The following PLCB1 variants were observed in gnomAD, a reference collection of about 807,000 sequenced individuals.
PLCB1 encodes phospholipase C beta 1.
PLCB1 carries 46 observed loss-of-function variants against 161.8 expected under a neutral mutation model. The observed-to-expected ratio is 0.28, with a 90% CI of 0.22 to 0.36. The LOEUF is 0.36. PLCB1 is among the 10% of genes least tolerant of loss of function. The probability of loss-of-function intolerance (pLI) is 1.00; values close to 1 mark genes in which losing one functional copy is unlikely to be tolerated. For synonymous variants in PLCB1, 517 were observed against 503.7 expected (o/e 1.03, Z -0.35); for missense variants, 1,016 against 1,472.5 (o/e 0.69, Z 5.07).
chr20:8,762,984 G>T (rs923056961), intron 25 of PLCB1, among the ~76,000 whole-genome samples: 2 of 152,076 alleles, frequency 1.3e-5, no homozygotes, highest in African/African-American at 2.4e-5. Flanking sequence ...GGAAACATGT[G>T]AACTATGACT....
intron 4 of PLCB1, among the ~76,000 whole-genome samples, chr20:8,628,874 C>T (rs1419698065): frequency 6.6e-6 from 1 of 151,600 alleles, no homozygotes; most frequent in African/African-American, 2.4e-5. Flanking sequence ...GTGGAGGTTG[C>T]AGTGAGCCAA....
At chr20:8,549,264 T>C (rs1222828286) in intron 3 of PLCB1, among the ~76,000 whole-genome samples, 2 of 152,228 alleles carry the variant, frequency 1.3e-5, no homozygotes, top group Non-Finnish European at 2.9e-5. Context: ...AAGTGAAATC[T>C]AAGAAGAATG....
intron 3 of PLCB1, among the ~76,000 whole-genome samples, chr20:8,414,613 T>C (rs924213352): frequency 1.3e-5 from 2 of 152,156 alleles, no homozygotes; most frequent in Admixed American, 1.3e-4. Flanking sequence ...ATGTAAAGTA[T>C]TACTTGAGAA....
intron 3 of PLCB1, among the ~76,000 whole-genome samples, chr20:8,450,208 G>A (rs1981009838): frequency 6.6e-6 from 1 of 152,092 alleles, no homozygotes. Context: ...TCTTAGATAA[G>A]TCTCAGACTG....
At chr20:8,815,794 TTTAG>T (rs1485005192) in intron 31 of PLCB1, among the ~76,000 whole-genome samples, 1 of 152,146 alleles carries the variant, frequency 6.6e-6, no homozygotes, top group Non-Finnish European at 1.5e-5. Context: ...TAGAGAAGAA[TTTAG>T]TTAGGGGCTA....
chr20:8,672,605 G>C (rs779679647), intron 9 of PLCB1, among the ~76,000 whole-genome samples: 21 of 152,116 alleles, frequency 1.4e-4, no homozygotes, highest in Non-Finnish European at 2.1e-4. Context: ...GCAGGGAAGA[G>C]CCTCAGTGGG....
At position 8,788,408 on chromosome 20, in the gene PLCB1, G is replaced by T. The variant is rs1184616717; in HGVS notation, c.3112-41G>T. 5.7e-6 allele frequency: 9 copies of T among 1,581,648 alleles called. No homozygotes were observed. The Admixed American group carries it at 1.2e-4, about 21-fold the overall frequency. ...GGGAGGTGGGAAGGAAGCTCTGTTT[G>T]CAATCATTTGAAATAGCAAACTGAC... is the stretch of plus-strand genomic sequence containing the variant. On this transcript the variant is annotated intron_variant, in intron 27 of 31. Transcript: ENST00000338037.
At chr20:8,675,023 A>G (rs1990041310) in intron 9 of PLCB1, among the ~76,000 whole-genome samples, 1 of 152,112 alleles carries the variant, frequency 6.6e-6, no homozygotes, top group Non-Finnish European at 1.5e-5. Flanking sequence ...CAGTGTTTTG[A>G]ATTCAAATTG....
chr20:8,776,874 G>A (rs1321801754), intron 27 of PLCB1, among the ~76,000 whole-genome samples: 1 of 152,100 alleles, frequency 6.6e-6, no homozygotes, highest in Non-Finnish European at 1.5e-5. Flanking sequence ...TAACAGAAAT[G>A]GGAGAATAAG....
At chr20:8,197,816 C>A (rs987174059) in intron 2 of PLCB1, among the ~76,000 whole-genome samples, 12 of 152,036 alleles carry the variant, frequency 7.9e-5, no homozygotes, top group Non-Finnish European at 1.8e-4. Flanking sequence ...ATCTTTAATC[C>A]ATCTTGAATT....
At chr20:8,290,985 A>C (rs1983356423) in intron 2 of PLCB1, among the ~76,000 whole-genome samples, 1 of 151,950 alleles carries the variant, frequency 6.6e-6, no homozygotes, top group Non-Finnish European at 1.5e-5. Context: ...CAGTGCTCAG[A>C]ATAGACCTCA....
intron 31 of PLCB1, among the ~76,000 whole-genome samples, chr20:8,812,013 G>C (rs1272054285): frequency 2.0e-5 from 3 of 152,200 alleles, no homozygotes; most frequent in Non-Finnish European, 4.4e-5. Context: ...TCATTAGCAA[G>C]TGAAAAATTT....
At chr20:8,843,019 A>G (rs1288599349) in intron 31 of PLCB1, among the ~76,000 whole-genome samples, 1 of 152,238 alleles carries the variant, frequency 6.6e-6, no homozygotes, top group African/African-American at 2.4e-5. Context: ...GAAATATAAA[A>G]GAGAAAAATT....
At chr20:8,376,169 A>G (rs1987072823) in intron 3 of PLCB1, among the ~76,000 whole-genome samples, 1 of 152,222 alleles carries the variant, frequency 6.6e-6, no homozygotes, top group South Asian at 2.1e-4. Flanking sequence ...GAATGCACGC[A>G]GCAATGTCAT....
intron 2 of PLCB1, among the ~76,000 whole-genome samples, chr20:8,321,482 C>T (rs1461962983): frequency 6.6e-6 from 1 of 151,930 alleles, no homozygotes; most frequent in African/African-American, 2.4e-5. Context: ...AAGCATTCTT[C>T]CTGCCCTGGC....
In PLCB1 at chr20:8,430,707, C is replaced by T. The variant is rs140541135; in HGVS notation, c.246+59257C>T. Among the ~76,000 whole-genome samples, 1,362 of 152,256 alleles carry T rather than the reference C, an allele frequency of 8.9e-3. 17 individuals are homozygous for T. The highest frequency in any genetic ancestry group is 0.031 in the African/African-American group (1,270 of 41,554). On this transcript the variant is annotated intron_variant, in intron 3 of 31. Transcript: ENST00000338037. ...ATGGTTCTTGCCTGTAATCCCAGCA[C>T]TTTGGGAGGCCAAGGTGGGAGGATC...
chr20:8,484,366 T>TTC (rs202182310), intron 3 of PLCB1, among the ~76,000 whole-genome samples: 1,541 of 125,306 alleles, frequency 0.012, 23 homozygotes, highest in African/African-American at 0.049. Context: ...CTTCTTCTTC[T>TTC]TTTTTTTTTT....
At chr20:8,573,088 T>C (rs1281142607) in intron 3 of PLCB1, among the ~76,000 whole-genome samples, 1 of 151,844 alleles carries the variant, frequency 6.6e-6, no homozygotes, top group Admixed American at 6.6e-5. Context: ...GCCAGAAAAG[T>C]AGGAGGATAG....
At position 8,683,965 on chromosome 20, in the gene PLCB1, A is replaced by G. The variant is rs891697943; in HGVS notation, c.863-967A>G. Reference sequence around the variant, plus strand: ...GTGGTGCGATCTCAGCTCACTGCAAACTCCACCTCCTGGGTTCAAACAATT... The same window carrying G: ...GTGGTGCGATCTCAGCTCACTGCAAGCTCCACCTCCTGGGTTCAAACAATT... On this transcript the variant is annotated intron_variant, in intron 9 of 31. Coordinates refer to ENST00000338037, the MANE Select transcript of PLCB1 (RefSeq NM_015192.4). Among the ~76,000 whole-genome samples the G allele has an allele frequency of 1.3e-4, 19 of 148,500 alleles. No homozygotes were observed. In the East Asian group the frequency reaches 2.2e-3, roughly 18 times the overall value.
Sources: allele counts gnomAD v4.1 joint callset (sites outside exome capture counted in the v4.1 genomes callset), GRCh38; gene constraint gnomAD v4.1.1; transcripts MANE v1.5; gene names NCBI Gene and HGNC (gene_info 2026-07-23, HGNC 2026-07-21).